The following ABTB2 variants were observed in gnomAD, a reference collection of about 807,000 sequenced individuals.
ABTB2 encodes the protein ankyrin repeat and BTB/POZ domain-containing protein 2.
ABTB2 carries 56 observed loss-of-function variants against 104.1 expected under a neutral mutation model. The observed-to-expected ratio is 0.54, with a 90% CI of 0.43 to 0.67. ABTB2 has a LOEUF of 0.67. Ranked by LOEUF, ABTB2 falls within the 30% of genes least tolerant of loss-of-function variation. ABTB2 has a pLI of 0.00. For synonymous variants in ABTB2, 606 were observed against 608.2 expected, an observed-to-expected ratio of 1.00 and a Z score of 0.05; for missense variants, 1,279 against 1,407.7, an observed-to-expected ratio of 0.91 and a Z score of 1.46.
At position 34,357,789 on chromosome 11, in the gene ABTB2, CG is replaced by C; in HGVS notation, c.-207del. ...GCCAGCAGGAGCCCCACGCTCCCGG[CG>C]TCCCGACTCGCAGCTGCCACTGGAA... On this transcript the variant is annotated 5_prime_UTR_variant, in exon 1 of 17. Transcript: ENST00000435224. The C allele has an allele frequency of 1.8e-6, 1 of 543,960 alleles. No individual in the cohort carries two copies. The highest frequency in any genetic ancestry group is 3.0e-5 in the South Asian group (1 of 33,126). 33.7% of individuals were successfully genotyped at this position (543,960 alleles called of 1,614,324 possible). A position where few individuals can be genotyped will look rare whatever the true frequency, so the allele number is the denominator to read the frequency against.
chr11:34,237,245 C>T (rs923427205), intron 1 of ABTB2, among the ~76,000 whole-genome samples: 4 of 151,132 alleles, frequency 2.6e-5, no homozygotes, highest in Middle Eastern at 3.4e-3. Context: ...CTGATTACCA[C>T]GGCTGTGTCC....
intron 1 of ABTB2, among the ~76,000 whole-genome samples, chr11:34,265,674 A>AAC (rs1197386803): frequency 6.7e-6 from 1 of 149,270 alleles, no homozygotes; most frequent in African/African-American, 2.5e-5. Flanking sequence ...AAAAAAAAAA[A>AAC]AAAAAAAAAA....
intron 14 of ABTB2, among the ~76,000 whole-genome samples, chr11:34,158,499 A>G (rs1007814837): frequency 6.6e-5 from 10 of 151,990 alleles, no homozygotes; most frequent in African/African-American, 1.2e-4. Context: ...TATATCACAA[A>G]CCACTCCTGT....
At chr11:34,210,221 G>C (rs1853464930) in intron 1 of ABTB2, among the ~76,000 whole-genome samples, 1 of 152,154 alleles carries the variant, frequency 6.6e-6, no homozygotes, top group Non-Finnish European at 1.5e-5. Context: ...AACCACGGGG[G>C]TGGAATCTAT....
At chr11:34,203,462 G>A (rs12293685) in intron 2 of ABTB2, among the ~76,000 whole-genome samples, 2,189 of 152,290 alleles carry the variant, frequency 0.014, 46 homozygotes, top group African/African-American at 0.051. Context: ...GCCCAAGACA[G>A]CCCATTGTCC....
In ABTB2 at chr11:34,165,778, A is replaced by G. The variant is rs370848851; in HGVS notation, c.1756-422T>C. Among the ~76,000 whole-genome samples the G allele has an allele frequency of 2.0e-4, 31 of 152,352 alleles. 1 individual carries two copies. The East Asian group carries it at 3.9e-3, about 19-fold the overall frequency. On this transcript the variant is annotated intron_variant, in intron 7 of 16. Coordinates refer to ENST00000435224, the MANE Select transcript of ABTB2 (RefSeq NM_145804.3). Reference sequence around the variant, plus strand: ...GGGTGTCAGTGCTGGCCACTGGCCAATGAGTAACCCCGAGCAGGTACTTCA... The same window carrying G: ...GGGTGTCAGTGCTGGCCACTGGCCAGTGAGTAACCCCGAGCAGGTACTTCA...
intron 1 of ABTB2, among the ~76,000 whole-genome samples, chr11:34,218,657 C>T (rs565592599): frequency 6.6e-6 from 1 of 151,948 alleles, no homozygotes; most frequent in East Asian, 1.9e-4. Context: ...CCAGACCAGC[C>T]TGACTAACAT....
intron 4 of ABTB2, among the ~76,000 whole-genome samples, chr11:34,172,464 A>AGACAGATG (rs1453260484): frequency 6.7e-6 from 1 of 149,280 alleles, no homozygotes; most frequent in African/African-American, 2.5e-5. Flanking sequence ...ATAGATAGAT[A>AGACAGATG]GATAGATAGA....
At chr11:34,228,544 C>G (rs1853717266) in intron 1 of ABTB2, among the ~76,000 whole-genome samples, 1 of 151,958 alleles carries the variant, frequency 6.6e-6, no homozygotes, top group Non-Finnish European at 1.5e-5. Context: ...GCCACCATAC[C>G]TAGATAATTT....
intron 3 of ABTB2, among the ~76,000 whole-genome samples, chr11:34,186,653 T>G (rs967457): frequency 6.6e-6 from 1 of 151,954 alleles, no homozygotes; most frequent in Non-Finnish European, 1.5e-5. Flanking sequence ...GGACAGGAAG[T>G]CCCATGCAAC....
chr11:34,184,442 C>T (rs1407655627), intron 3 of ABTB2, among the ~76,000 whole-genome samples: 3 of 152,230 alleles, frequency 2.0e-5, no homozygotes, highest in South Asian at 2.1e-4. Context: ...CAGATGTTAC[C>T]GTGTCTGAGC....
At chr11:34,351,944 T>G (rs945252740) in intron 1 of ABTB2, among the ~76,000 whole-genome samples, 1 of 152,144 alleles carries the variant, frequency 6.6e-6, no homozygotes, top group South Asian at 2.1e-4. Flanking sequence ...AAAAAAAAAT[T>G]TTTCATTTCC....
At chr11:34,348,908 C>A (rs1174851698) in intron 1 of ABTB2, among the ~76,000 whole-genome samples, 2 of 152,168 alleles carry the variant, frequency 1.3e-5, no homozygotes, top group Admixed American at 6.5e-5. Context: ...CACTTCTAAA[C>A]TCAAAACAGT....
In ABTB2 at chr11:34,357,232, G is replaced by A. The variant is rs892959017; in HGVS notation, c.352C>T (p.Pro118Ser). ...LRKGAGGRRLPQFSAEAVRRL... is the reference protein window; with the variant it reads ...LRKGAGGRRLSQFSAEAVRRL... ...CTCACCGCCTCGGCGGAGAACTGGG[G>A]CAGCCGCCGGCCGCCAGCGCCTTTG... Residue 118 changes from proline to serine, a missense_variant, in exon 1 of 17, where the codon CCC (proline) becomes TCC (serine). Physicochemically the swap from Pro to Ser is moderately conservative, Grantham distance 74. Coordinates refer to ENST00000435224, the MANE Select transcript of ABTB2 (RefSeq NM_145804.3). 4.0e-6 allele frequency: 6 copies of A among 1,504,486 alleles called. No individual in the cohort carries two copies. Among genetic ancestry groups the A allele is most frequent in the Admixed American group, 2.2e-5 (1 of 45,924 alleles). The allele number at this position is 1,504,486 out of a possible 1,614,324, so 93.2% of individuals were successfully genotyped here.
intron 1 of ABTB2, among the ~76,000 whole-genome samples, chr11:34,298,487 G>A (rs1426250887): frequency 6.6e-6 from 1 of 150,922 alleles, no homozygotes; most frequent in African/African-American, 2.4e-5. Flanking sequence ...TTTTGGGACA[G>A]AGTCTCGCTC....
At chr11:34,160,437 AG>A (rs1415129373) in intron 11 of ABTB2, 84 bp from the exon 12 acceptor site, 2 of 979,354 alleles carry the variant, frequency 2.0e-6, no homozygotes, top group Non-Finnish European at 3.2e-6. Flanking sequence ...TAATTTCAAA[AG>A]TCCAGGCCAG....
intron 1 of ABTB2, among the ~76,000 whole-genome samples, chr11:34,219,922 C>G (rs1346989574): frequency 6.6e-6 from 1 of 152,134 alleles, no homozygotes; most frequent in South Asian, 2.1e-4. Context: ...GTGCTGTTAT[C>G]GTCAGCAAGG....
At chr11:34,221,625 C>G (rs184562213) in intron 1 of ABTB2, among the ~76,000 whole-genome samples, 1 of 152,328 alleles carries the variant, frequency 6.6e-6, no homozygotes, top group African/African-American at 2.4e-5. Flanking sequence ...GACGGCAAAT[C>G]TAGCCCTCAT....
At chr11:34,178,167 A>C (rs1852979103) in intron 3 of ABTB2, among the ~76,000 whole-genome samples, 1 of 139,234 alleles carries the variant, frequency 7.2e-6, no homozygotes, top group Non-Finnish European at 1.5e-5. Flanking sequence ...CAATATACAG[A>C]AATCTAGATT....
Sources: allele counts gnomAD v4.1 joint callset (sites outside exome capture counted in the v4.1 genomes callset), GRCh38; gene constraint gnomAD v4.1.1; transcripts MANE v1.5; gene names NCBI Gene and HGNC (gene_info 2026-07-23, HGNC 2026-07-21).